The following CDH13 variants were observed in gnomAD, a reference collection of about 807,000 sequenced individuals.
CDH13 encodes cadherin 13.
In CDH13, 24 loss-of-function variants were observed where a neutral mutation model predicts 63.8. That is an observed-to-expected ratio of 0.38 (90% CI 0.27 to 0.53). The LOEUF is 0.53. Ranked by LOEUF, CDH13 falls within the 20% of genes least tolerant of loss-of-function variation. The pLI is 0.85. For missense variants in CDH13, 1,049 were observed against 903.1 expected (o/e 1.16, Z -2.07); for synonymous variants, 503 against 355.3 (o/e 1.42, Z -4.67).
intron 4 of CDH13, among the ~76,000 whole-genome samples, chr16:83,154,742 A>G (rs189065656): frequency 6.6e-6 from 1 of 152,342 alleles, no homozygotes; most frequent in East Asian, 1.9e-4. Flanking sequence ...GTGAAGAACT[A>G]ACATTATACT....
intron 2 of CDH13, among the ~76,000 whole-genome samples, chr16:82,893,279 T>C (rs921023728): frequency 1.3e-5 from 2 of 152,248 alleles, no homozygotes; most frequent in East Asian, 1.9e-4. Context: ...GCAGTTTTGA[T>C]AGACATGGCT....
intron 4 of CDH13, among the ~76,000 whole-genome samples, chr16:83,161,629 A>T (rs1262529710): frequency 6.6e-6 from 1 of 151,962 alleles, no homozygotes; most frequent in Non-Finnish European, 1.5e-5. Flanking sequence ...AACCACCAAC[A>T]TTTCCCTCCC....
intron 1 of CDH13, among the ~76,000 whole-genome samples, chr16:82,712,333 C>A (rs898375309): frequency 1.3e-5 from 2 of 152,104 alleles, no homozygotes; most frequent in Non-Finnish European, 2.9e-5. Context: ...GCACAAACCT[C>A]CACAAAGATT....
chr16:82,712,465 T>C (rs1322637264), intron 1 of CDH13, among the ~76,000 whole-genome samples: 1 of 152,174 alleles, frequency 6.6e-6, no homozygotes, highest in African/African-American at 2.4e-5. Flanking sequence ...TCCATGGTAA[T>C]AAATCGTGCC....
chr16:82,659,591 T>C (rs974203576), intron 1 of CDH13, among the ~76,000 whole-genome samples: 1 of 152,172 alleles, frequency 6.6e-6, no homozygotes, highest in African/African-American at 2.4e-5. Context: ...ATTGGGAATT[T>C]CTCATAAAGA....
At chr16:83,444,860 A>T (rs2072624138) in intron 6 of CDH13, among the ~76,000 whole-genome samples, 1 of 200 alleles carries the variant, frequency 5.0e-3, no homozygotes. Context: ...GCAAATCAGC[A>T]AATCAGCGCT....
intron 1 of CDH13, among the ~76,000 whole-genome samples, chr16:82,790,053 A>T (rs976757547): frequency 6.6e-6 from 1 of 152,150 alleles, no homozygotes; most frequent in Admixed American, 6.5e-5. Context: ...TTCTGGTGCT[A>T]TAGGGGGGTG....
At chr16:83,015,158 C>T (rs992136315) in intron 2 of CDH13, among the ~76,000 whole-genome samples, 3 of 151,774 alleles carry the variant, frequency 2.0e-5, no homozygotes, top group Non-Finnish European at 4.4e-5. Context: ...TGTGGCTAAT[C>T]GGGGAAGTCA....
chr16:83,783,183 T>A, intron 12 of CDH13, 71 bp from the exon 13 acceptor site: 1 of 1,028,718 alleles, frequency 9.7e-7, no homozygotes, highest in Admixed American at 2.0e-5. Flanking sequence ...GTGACTTTCA[T>A]CACCAAAACC....
intron 8 of CDH13, among the ~76,000 whole-genome samples, chr16:83,666,987 CTGGA>C (rs35753725): frequency 0.013 from 1,848 of 144,566 alleles, 13 homozygotes; most frequent in South Asian, 0.029. Context: ...TGGTGTAACC[CTGGA>C]TGGATGGATG....
intron 1 of CDH13, among the ~76,000 whole-genome samples, chr16:82,852,700 C>A (rs187399072): frequency 6.6e-6 from 1 of 152,258 alleles, no homozygotes; most frequent in East Asian, 1.9e-4. Flanking sequence ...GCCTAGATGT[C>A]CAAGCAAGTG....
At chr16:83,148,026 T>C (rs1311066148) in intron 4 of CDH13, among the ~76,000 whole-genome samples, 3 of 152,142 alleles carry the variant, frequency 2.0e-5, no homozygotes. Context: ...CTCAGCCTCC[T>C]AGGTACAAGC....
At chr16:83,514,639 C>T (rs1042054922) in intron 7 of CDH13, among the ~76,000 whole-genome samples, 1 of 152,024 alleles carries the variant, frequency 6.6e-6, no homozygotes, top group Non-Finnish European at 1.5e-5. Flanking sequence ...AGTGAGACTC[C>T]ATCTCAAAAT....
intron 5 of CDH13, among the ~76,000 whole-genome samples, chr16:83,298,275 T>G (rs11640584): frequency 0.011 from 1,586 of 150,764 alleles, 33 homozygotes; most frequent in Non-Finnish European, 0.01. Flanking sequence ...TGAGACGAGA[T>G]GAGAAAAGAA....
intron 12 of CDH13, 138 bp downstream of exon 12, chr16:83,780,339 G>A: frequency 1.6e-6 from 1 of 610,714 alleles, no homozygotes. Context: ...TATAAATACT[G>A]AGAATTTTCC....
chr16:82,893,516 TG>T (rs1355954058), intron 2 of CDH13, among the ~76,000 whole-genome samples: 1 of 152,250 alleles, frequency 6.6e-6, no homozygotes, highest in African/African-American at 2.4e-5. Flanking sequence ...GGGTAATACT[TG>T]GAGAAATACA....
At chr16:83,621,168 C>G (rs1909777008) in intron 8 of CDH13, among the ~76,000 whole-genome samples, 1 of 152,216 alleles carries the variant, frequency 6.6e-6, no homozygotes, top group African/African-American at 2.4e-5. Flanking sequence ...CTCTGCTAAG[C>G]TGCTTCTGTC....
intron 2 of CDH13, among the ~76,000 whole-genome samples, chr16:82,979,038 A>G (rs1909908521): frequency 1.3e-5 from 2 of 152,238 alleles, no homozygotes; most frequent in Admixed American, 6.5e-5. Flanking sequence ...GATGTGAGAC[A>G]TGAAGTCAAA....
rs191556156 is a variant in CDH13, at chr16:83,570,509, C to T, written c.961-31945C>T. On this transcript the variant is annotated intron_variant, in intron 7 of 13. Transcript: ENST00000567109. ...CCAAGGAAAAACGTACTGCTGCCCT[C>T]ACCGTACTCATGGTCTAGCGTGGAA... Among the ~76,000 whole-genome samples the T allele has an allele frequency of 4.2e-4, 64 of 152,040 alleles. 1 individual carries two copies. In the South Asian group the frequency reaches 0.011, roughly 25 times the overall value.
Sources: gnomAD v4.1 joint callset for allele counts (sites outside exome capture counted in the v4.1 genomes callset) on GRCh38, gnomAD v4.1.1 for gene constraint, MANE v1.5 for transcripts, NCBI Gene and HGNC (gene_info 2026-07-23, HGNC 2026-07-21) for gene names.